Variants in DENND2B observed in about 807,000 individuals in gnomAD.
DENND2B encodes the protein DENN domain-containing protein 2B.
DENND2B carries 32 observed loss-of-function variants against 116.0 expected under a neutral mutation model. That is an observed-to-expected ratio of 0.28 (90% CI 0.21 to 0.37). The LOEUF is 0.37. DENND2B is among the 10% of genes least tolerant of loss of function. DENND2B has a pLI of 1.00. For synonymous variants in DENND2B, 588 were observed against 583.9 expected (o/e 1.01, Z -0.10); for missense variants, 1,276 against 1,477.7 (o/e 0.86, Z 2.24).
intron 1 of DENND2B, among the ~76,000 whole-genome samples, chr11:8,896,399 G>A (rs377388082): frequency 6.6e-6 from 1 of 152,142 alleles, no homozygotes; most frequent in African/African-American, 2.4e-5. Flanking sequence ...AACAGGAATT[G>A]GAATATATTA....
At chr11:8,872,077 A>G (rs1024684978), upstream of DENND2B, among the ~76,000 whole-genome samples, 6 of 152,232 alleles carry the variant, frequency 3.9e-5, no homozygotes, top group Non-Finnish European at 8.8e-5. Flanking sequence ...GTGTGTATGA[A>G]CATAAGCAGG....
chr11:8,702,559 G>C lies in DENND2B; in HGVS notation c.2720+13C>G, dbSNP rs748316805. On this transcript the variant is annotated intron_variant, in intron 14 of 19. Coordinates refer to ENST00000313726, the MANE Select transcript of DENND2B (RefSeq NM_213618.2). The surrounding 1 kb of genome is among the most constrained non-coding windows in gnomAD (Gnocchi z 4.6). The stretch of plus-strand genomic sequence containing the variant: ...CCCCCTCCCTTCTGCTTTCTTGCCC[G>C]GCTGGGCCCTACCTGAGCTTATCTG... The C allele has an allele frequency of 7.5e-6, 12 of 1,610,190 alleles. No individual in the cohort carries two copies. Among genetic ancestry groups the C allele is most frequent in the Non-Finnish European group, 1.0e-5 (12 of 1,179,992 alleles).
rs576862295 is a variant in DENND2B at position 8,820,306 on chromosome 11, A to T, written c.-114-8971T>A. On this transcript the variant is annotated intron_variant, in intron 4 of 6. Transcript: ENST00000524757. The stretch of plus-strand genomic sequence containing the variant: ...TTAAAATAAAAATAACCTATGCTAA[A>T]CAAAGCACAGATGACATTTATTAAA... Among the ~76,000 whole-genome samples the T allele has an allele frequency of 2.6e-5, 4 of 152,326 alleles. No homozygotes were observed. In the East Asian group the frequency reaches 7.7e-4, roughly 29 times the overall value.
At chr11:8,894,820 A>T (rs1477457660) in intron 1 of DENND2B, among the ~76,000 whole-genome samples, 1 of 152,172 alleles carries the variant, frequency 6.6e-6, no homozygotes, top group African/African-American at 2.4e-5. Flanking sequence ...ACTAGTTCAA[A>T]CATTGTGGAA....
intron 1 of DENND2B, among the ~76,000 whole-genome samples, chr11:8,791,508 T>G (rs2059374518): frequency 1.3e-5 from 2 of 152,160 alleles, no homozygotes; most frequent in Admixed American, 1.3e-4. Flanking sequence ...GCTCACACCT[T>G]GTAATCCCAG....
intron 3 of DENND2B, among the ~76,000 whole-genome samples, chr11:8,846,071 T>C (rs2062801185): frequency 6.6e-6 from 1 of 152,178 alleles, no homozygotes; most frequent in African/African-American, 2.4e-5. Context: ...CTGCAAGTAA[T>C]GGTTTCTAGA....
At chr11:8,757,526 C>G (rs2053827273) in intron 1 of DENND2B, among the ~76,000 whole-genome samples, 1 of 152,206 alleles carries the variant, frequency 6.6e-6, no homozygotes, top group Non-Finnish European at 1.5e-5. Flanking sequence ...TTGGATTAAG[C>G]TTTAATCTGT....
chr11:8,877,741 A>G (rs530738893), intron 2 of DENND2B, among the ~76,000 whole-genome samples: 1 of 152,300 alleles, frequency 6.6e-6, no homozygotes, highest in South Asian at 2.1e-4. Flanking sequence ...TCTCCATCTT[A>G]CTGGCAAAAC....
intron 1 of DENND2B, among the ~76,000 whole-genome samples, chr11:8,896,578 C>A (rs918968362): frequency 1.3e-5 from 2 of 152,164 alleles, no homozygotes; most frequent in Admixed American, 1.3e-4. Flanking sequence ...AAAGATTTGA[C>A]TTCGGTTTTT....
intron 1 of DENND2B, among the ~76,000 whole-genome samples, chr11:8,755,890 C>T (rs2053527007): frequency 6.6e-6 from 1 of 152,204 alleles, no homozygotes; most frequent in Non-Finnish European, 1.5e-5. Flanking sequence ...CACACTGGCT[C>T]TAGTGAGATA....
At chr11:8,740,234 C>T (rs549824431) in intron 2 of DENND2B, among the ~76,000 whole-genome samples, 2 of 151,514 alleles carry the variant, frequency 1.3e-5, no homozygotes, top group Non-Finnish European at 2.9e-5. Flanking sequence ...GAAAAAGCAT[C>T]ATGTGTATGT....
At chr11:8,804,686 T>C (rs2060684040) in intron 1 of DENND2B, among the ~76,000 whole-genome samples, 1 of 151,750 alleles carries the variant, frequency 6.6e-6, no homozygotes, top group Non-Finnish European at 1.5e-5. Flanking sequence ...CTGGGATTAC[T>C]GATACACACC....
intron 1 of DENND2B, chr11:8,785,338 C>T (rs940531341): frequency 6.6e-6 from 1 of 152,106 alleles, no homozygotes; most frequent in Non-Finnish European, 1.5e-5. Context: ...ATCACTGCTG[C>T]GAAGAGGAAA....
At chr11:8,718,964 A>G in intron 4 of DENND2B, 2 of 987,810 alleles carry the variant, frequency 2.0e-6, no homozygotes, top group Non-Finnish European at 1.2e-6. Context: ...CTCAGAACAC[A>G]GCCCTCTCTG....
intron 1 of DENND2B, among the ~76,000 whole-genome samples, chr11:8,801,837 T>TA (rs761358121): frequency 4.7e-5 from 7 of 149,782 alleles, no homozygotes; most frequent in South Asian, 2.1e-4. Context: ...CCCATCTCTA[T>TA]AAAAAAAATT....
At chr11:8,776,156 G>GCACA (rs752637012) in intron 1 of DENND2B, 138 of 318,348 alleles carry the variant, frequency 4.3e-4, no homozygotes, top group South Asian at 2.0e-3. Flanking sequence ...GCACGCGCGC[G>GCACA]CGCGCACACA....
intron 9 of DENND2B, 40 bp from the exon 10 acceptor site, chr11:8,711,271 A>G: frequency 6.3e-7 from 1 of 1,594,286 alleles, no homozygotes; most frequent in Non-Finnish European, 8.6e-7. Context: ...ATGGAACCTG[A>G]GGGCGGGTGG....
chr11:8,907,016 T>C (rs2064247207), intron 1 of DENND2B, among the ~76,000 whole-genome samples: 2 of 141,748 alleles, frequency 1.4e-5, no homozygotes, highest in African/African-American at 2.5e-5. Flanking sequence ...AGAAAAGGAA[T>C]TTACATTGCT....
intron 1 of DENND2B, among the ~76,000 whole-genome samples, chr11:8,900,364 G>A (rs1185536359): frequency 1.3e-5 from 2 of 151,478 alleles, no homozygotes; most frequent in African/African-American, 4.9e-5. Flanking sequence ...CCCGGGAGGT[G>A]GAGCTTGCAG....
Sources: allele counts gnomAD v4.1 joint callset (sites outside exome capture counted in the v4.1 genomes callset), GRCh38; gene constraint gnomAD v4.1.1; non-coding constraint Gnocchi (gnomAD v3.1); transcripts MANE v1.5; gene names NCBI Gene and HGNC (gene_info 2026-07-23, HGNC 2026-07-21).